The following TMC1 variants were observed in gnomAD, a reference collection of about 807,000 sequenced individuals.
The protein encoded by TMC1 is transmembrane channel like 1.
Under a neutral mutation model 105.8 loss-of-function variants are expected in TMC1, and 84 were observed. The ratio of observed to expected loss-of-function variants is 0.79; its 90% confidence interval spans 0.67 to 0.95. The LOEUF (loss-of-function observed/expected upper bound fraction) is 0.95. TMC1 is among the 40% of genes least tolerant of loss of function. The pLI, the probability that TMC1 is intolerant of heterozygous loss-of-function variation, is 0.00. For synonymous variants in TMC1, 315 were observed against 311.5 expected, an observed-to-expected ratio of 1.01 and a Z score of -0.12; for missense variants, 817 against 914.1, an observed-to-expected ratio of 0.89 and a Z score of 1.37.
At position 72,732,338 on chromosome 9, in the gene TMC1, G is replaced by A. The variant is rs538317813; in HGVS notation, c.363-7781G>A. 1.1e-4 allele frequency among the ~76,000 whole-genome samples: 17 copies of A among 152,242 alleles called. No homozygotes were observed. The East Asian group carries it at 1.9e-3, about 17-fold the overall frequency. ...AGCACTTTGAGAGGCCAAGGTGGGCGGATCACTTGAGGTCAGGAGTTCGAA... is the reference window on the plus strand; with the variant it reads ...AGCACTTTGAGAGGCCAAGGTGGGCAGATCACTTGAGGTCAGGAGTTCGAA... On this transcript the variant is annotated intron_variant, in intron 8 of 23. Coordinates refer to ENST00000297784, the MANE Select transcript of TMC1 (RefSeq NM_138691.3).
intron 1 of TMC1, among the ~76,000 whole-genome samples, chr9:72,559,576 TAATA>T (rs941520113): frequency 7.9e-5 from 12 of 151,796 alleles, no homozygotes; most frequent in African/African-American, 2.9e-4. Flanking sequence ...AGCAATGGAG[TAATA>T]AATGGCACTG....
intron 5 of TMC1, among the ~76,000 whole-genome samples, chr9:72,670,553 C>T (rs944024798): frequency 3.3e-5 from 5 of 152,022 alleles, no homozygotes; most frequent in Admixed American, 3.3e-4. Context: ...AATAAATACC[C>T]ATAATTCCAA....
intron 23 of TMC1, among the ~76,000 whole-genome samples, chr9:72,835,103 T>G (rs1003990941): frequency 6.6e-6 from 1 of 152,102 alleles, no homozygotes; most frequent in African/African-American, 2.4e-5. Context: ...CTTCCCCTAT[T>G]CTCCCCCTCC....
intron 18 of TMC1, among the ~76,000 whole-genome samples, chr9:72,808,397 G>A (rs951921461): frequency 4.6e-5 from 7 of 152,150 alleles, no homozygotes; most frequent in Admixed American, 2.0e-4. Context: ...CCTCCTTAGT[G>A]CTCTTCTCTG....
At chr9:72,614,639 T>TAG (rs1373797657) in intron 2 of TMC1, among the ~76,000 whole-genome samples, 9 of 152,156 alleles carry the variant, frequency 5.9e-5, no homozygotes, top group Non-Finnish European at 1.2e-4. Context: ...TTCTTAAAAT[T>TAG]AGAGTTCATT....
intron 1 of TMC1, among the ~76,000 whole-genome samples, chr9:72,539,247 A>G (rs1395111605): frequency 1.3e-5 from 2 of 151,838 alleles, no homozygotes; most frequent in Non-Finnish European, 2.9e-5. Context: ...AACAACAACA[A>G]AAAAACAAAT....
intron 5 of TMC1, among the ~76,000 whole-genome samples, chr9:72,652,340 T>A (rs1028753468): frequency 6.6e-6 from 1 of 152,180 alleles, no homozygotes; most frequent in African/African-American, 2.4e-5. Flanking sequence ...GATTTTGTCA[T>A]TATCTGTGAG....
intron 2 of TMC1, among the ~76,000 whole-genome samples, chr9:72,607,519 T>C (rs546449822): frequency 2.7e-4 from 41 of 149,212 alleles, no homozygotes; most frequent in African/African-American, 9.9e-4. Flanking sequence ...CTCAGGAGGC[T>C]GAGGCAGAAT....
chr9:72,708,728 C>T (rs1826785615), intron 8 of TMC1, among the ~76,000 whole-genome samples: 1 of 152,116 alleles, frequency 6.6e-6, no homozygotes, highest in Non-Finnish European at 1.5e-5. Context: ...GACAGTTTCA[C>T]CTCTTTACCA....
At chr9:72,713,540 A>AT (rs1826868995) in intron 8 of TMC1, among the ~76,000 whole-genome samples, 1 of 151,970 alleles carries the variant, frequency 6.6e-6, no homozygotes, top group East Asian at 1.9e-4. Context: ...TTTCTTCTAG[A>AT]TTTTCTAGTT....
In TMC1 at chr9:72,791,945, T is replaced by G. The variant is rs758592011; in HGVS notation, c.1284T>G (p.Ala428=). The G allele has an allele frequency of 6.2e-7, 1 of 1,613,962 alleles. No individual in the cohort carries two copies. Among genetic ancestry groups the G allele is most frequent in the African/African-American group, 1.3e-5 (1 of 75,054 alleles). Residue 428 remains alanine, a synonymous_variant, in exon 16 of 24, where the codon GCT becomes GCG. Coordinates refer to ENST00000297784, the MANE Select transcript of TMC1 (RefSeq NM_138691.3). The part of the protein sequence containing the change: ...MFCPTLFDLF[A]ELEDYHPLIA... ...GTCCAACATTGTTTGACTTATTTGC[T>G]GAATTAGAAGACTACCATCCTCTCA...
At chr9:72,726,722 A>G (rs1827131844) in intron 8 of TMC1, among the ~76,000 whole-genome samples, 1 of 152,246 alleles carries the variant, frequency 6.6e-6, no homozygotes, top group Non-Finnish European at 1.5e-5. Flanking sequence ...CCCTATTCCA[A>G]GAGAAAAACT....
Position 72,539,775 on chromosome 9 carries a change from T to G in TMC1, c.-428+17862T>G, listed in dbSNP as rs180893875. On this transcript the variant is annotated intron_variant, in intron 1 of 23. Coordinates refer to ENST00000297784, the MANE Select transcript of TMC1 (RefSeq NM_138691.3). ...TTTTCAGTTGTCTTTACAGCAACAT[T>G]TCACTACTTGGTACCAGTATTCTGA... is the stretch of plus-strand genomic sequence containing the variant. 3.2e-4 allele frequency among the ~76,000 whole-genome samples: 48 copies of G among 152,304 alleles called. No individual in the cohort carries two copies. The East Asian group carries it at 8.9e-3, about 28-fold the overall frequency.
chr9:72,552,917 A>G (rs564718326), intron 1 of TMC1, among the ~76,000 whole-genome samples: 1 of 152,182 alleles, frequency 6.6e-6, no homozygotes, highest in Non-Finnish European at 1.5e-5. Context: ...TTAAATATAC[A>G]TATATACACA....
intron 8 of TMC1, among the ~76,000 whole-genome samples, chr9:72,731,703 A>C (rs1444826): frequency 0.23 from 34,715 of 152,044 alleles, 4,275 homozygotes; most frequent in East Asian, 0.39. Context: ...GGCATGCCAG[A>C]TCCTCCTCTA....
chr9:72,807,320 C>A (rs886222376), intron 18 of TMC1, among the ~76,000 whole-genome samples: 1 of 152,144 alleles, frequency 6.6e-6, no homozygotes, highest in Admixed American at 6.5e-5. Flanking sequence ...CTTTGTAATT[C>A]GTCATTTACA....
At chr9:72,620,769 T>A (rs1479539503) in intron 3 of TMC1, among the ~76,000 whole-genome samples, 1 of 152,228 alleles carries the variant, frequency 6.6e-6, no homozygotes, top group Non-Finnish European at 1.5e-5. Context: ...TCCAGGTATT[T>A]TCTATACATT....
intron 3 of TMC1, among the ~76,000 whole-genome samples, chr9:72,626,992 C>T (rs7870971): frequency 0.098 from 14,700 of 150,446 alleles, 867 homozygotes; most frequent in African/African-American, 0.15. Flanking sequence ...ATACTTTAAC[C>T]GGTAGTTTTG....
At position 72,805,430 on chromosome 9, in the gene TMC1, A is replaced by T. The variant is rs1440539662; in HGVS notation, c.1615A>T (p.Ile539Phe). ...TGATGTTCTGACCACCTACGTCACA[A>T]TCCTCATTGGGGACTTTCTAAGGGC... ...VSDVLTTYVT[I>F]LIGDFLRACF... The change falls in exon 18 of 24, where the codon ATC becomes TTC. Residue 539 changes from isoleucine to phenylalanine, a missense_variant. Ile to Phe is a conservative substitution (Grantham distance 21, BLOSUM62 0). Transcript: ENST00000297784. The T allele has an allele frequency of 6.2e-7, 1 of 1,613,522 alleles. No homozygotes were observed. The highest frequency in any genetic ancestry group is 8.5e-7 in the Non-Finnish European group (1 of 1,179,910).
Sources: allele counts gnomAD v4.1 joint callset (sites outside exome capture counted in the v4.1 genomes callset), GRCh38; gene constraint gnomAD v4.1.1; transcripts MANE v1.5; gene names NCBI Gene and HGNC (gene_info 2026-07-23, HGNC 2026-07-21).